NRG1: variants seen among roughly 807,000 people sequenced by gnomAD.
NRG1 encodes neuregulin 1, also known as pro-neuregulin-1, membrane-bound isoform.
A neutral mutation model predicts 63.8 loss-of-function variants in NRG1; 18 were observed. The ratio of observed to expected loss-of-function variants is 0.28; its 90% CI spans 0.19 to 0.42. The LOEUF (loss-of-function observed/expected upper bound fraction) is 0.42. NRG1 is among the 10% of genes least tolerant of loss of function. The pLI is 1.00. For synonymous variants in NRG1, 302 were observed against 301.3 expected, an observed-to-expected ratio of 1.00 and a Z score of -0.02; for missense variants, 762 against 814.7, an observed-to-expected ratio of 0.94 and a Z score of 0.79.
chr8:32,365,712 A>G (rs994671593), intron 1 of NRG1, among the ~76,000 whole-genome samples: 2 of 152,200 alleles, frequency 1.3e-5, no homozygotes, highest in African/African-American at 2.4e-5. Context: ...CACAGACAGC[A>G]CAAAAACCAA....
At chr8:31,928,552 A>G (rs1834599132) in intron 1 of NRG1, among the ~76,000 whole-genome samples, 1 of 152,132 alleles carries the variant, frequency 6.6e-6, no homozygotes, top group East Asian at 1.9e-4. Flanking sequence ...GAATGTGTAT[A>G]GAATCATCCT....
At chr8:32,249,404 G>C (rs1190135980) in intron 1 of NRG1, among the ~76,000 whole-genome samples, 1 of 152,112 alleles carries the variant, frequency 6.6e-6, no homozygotes, top group Admixed American at 6.6e-5. Context: ...AGTGGACACA[G>C]AATCACAAAA....
At chr8:32,056,243 A>G (rs1442850522) in intron 1 of NRG1, among the ~76,000 whole-genome samples, 1 of 152,132 alleles carries the variant, frequency 6.6e-6, no homozygotes, top group African/African-American at 2.4e-5. Flanking sequence ...CTTTAAAACA[A>G]TGGGAAGGAG....
At chr8:32,675,048 C>G (rs1202364323) in intron 5 of NRG1, among the ~76,000 whole-genome samples, 2 of 152,138 alleles carry the variant, frequency 1.3e-5, no homozygotes, top group African/African-American at 4.8e-5. Context: ...TCATGCTTTG[C>G]ACCAGTTCAA....
intron 3 of NRG1, among the ~76,000 whole-genome samples, chr8:32,609,783 T>C (rs900259516): frequency 6.6e-6 from 1 of 151,414 alleles, no homozygotes; most frequent in African/African-American, 2.4e-5. Flanking sequence ...GCAATTCTCC[T>C]GCCTCAGCCT....
intron 1 of NRG1, among the ~76,000 whole-genome samples, chr8:31,907,933 G>A (rs1176173040): frequency 2.0e-5 from 3 of 152,000 alleles, no homozygotes; most frequent in Admixed American, 1.3e-4. Context: ...TTGTACATAC[G>A]AAGTTCTCAA....
chr8:32,651,669 G>T (rs914020330), intron 5 of NRG1, among the ~76,000 whole-genome samples: 2 of 152,056 alleles, frequency 1.3e-5, no homozygotes, highest in Admixed American at 1.3e-4. Flanking sequence ...CTTATTATGG[G>T]ATTGTATGAC....
intron 1 of NRG1, among the ~76,000 whole-genome samples, chr8:31,696,405 C>T (rs1810064943): frequency 6.6e-6 from 1 of 152,138 alleles, no homozygotes; most frequent in African/African-American, 2.4e-5. Flanking sequence ...TATGCTGGTT[C>T]AGAGGATATA....
chr8:32,647,463 G>A (rs1391872971), intron 5 of NRG1: 2 of 985,376 alleles, frequency 2.0e-6, no homozygotes, highest in South Asian at 4.7e-5. Flanking sequence ...GTTTGGAGTA[G>A]CATTTAAAAG....
At chr8:32,724,781 G>C (rs775861349) in intron 5 of NRG1, among the ~76,000 whole-genome samples, 3 of 152,102 alleles carry the variant, frequency 2.0e-5, no homozygotes, top group Non-Finnish European at 4.4e-5. Flanking sequence ...TACTGCTAAA[G>C]GATAAAAGTG....
intron 1 of NRG1, among the ~76,000 whole-genome samples, chr8:32,339,480 C>T (rs1475596810): frequency 2.0e-5 from 3 of 152,178 alleles, no homozygotes; most frequent in African/African-American, 7.2e-5. Flanking sequence ...AACAAGTCCT[C>T]ATGTCATAGG....
At position 32,250,302 on chromosome 8, in the gene NRG1, CTCTG is replaced by C. The variant is rs142671856; in HGVS notation, c.38-345522_38-345519del. Among the ~76,000 whole-genome samples, 1,393 of 152,210 alleles carry C rather than the reference CTCTG, an allele frequency of 9.2e-3. 32 individuals are homozygous for C. Among genetic ancestry groups the C allele is most frequent in the African/African-American group, 0.031 (1,298 of 41,534 alleles). On this transcript the variant is annotated intron_variant, in intron 1 of 10. Coordinates refer to the NRG1 transcript ENST00000519301. ...ATCATCCCAAGGAAGGCTTTATTCT[CTCTG>C]TCTAAGCAAGCAATGAAGGGAGATC... is the stretch of plus-strand genomic sequence containing the variant.
chr8:31,724,921 CTG>C (rs922817183), intron 1 of NRG1, among the ~76,000 whole-genome samples: 1 of 152,166 alleles, frequency 6.6e-6, no homozygotes, highest in Admixed American at 6.5e-5. Flanking sequence ...CCATAGGTCT[CTG>C]TTGCATCTAC....
intron 1 of NRG1, among the ~76,000 whole-genome samples, chr8:32,217,875 C>G (rs146166960): frequency 0.01 from 1,581 of 152,282 alleles, 15 homozygotes; most frequent in Non-Finnish European, 0.015. Flanking sequence ...AGGCTCTGAA[C>G]TAAGTCTAAA....
chr8:32,701,067 C>G (rs181093369), intron 5 of NRG1, among the ~76,000 whole-genome samples: 2 of 152,142 alleles, frequency 1.3e-5, no homozygotes, highest in Admixed American at 1.3e-4. Flanking sequence ...AGTAGTACTT[C>G]CCCTAGAAGC....
intron 1 of NRG1, among the ~76,000 whole-genome samples, chr8:32,420,501 G>T (rs1339590538): frequency 2.7e-5 from 4 of 150,776 alleles, no homozygotes; most frequent in African/African-American, 7.3e-5. Context: ...TCTGTCACTT[G>T]ATGATGGGTG....
chr8:32,019,500 A>G (rs1042285223), intron 1 of NRG1, among the ~76,000 whole-genome samples: 1 of 152,314 alleles, frequency 6.6e-6, no homozygotes, highest in African/African-American at 2.4e-5. Context: ...TATTCACTTT[A>G]TTAATAATGT....
At chr8:32,245,701 C>G (rs553411180) in intron 1 of NRG1, among the ~76,000 whole-genome samples, 2 of 152,224 alleles carry the variant, frequency 1.3e-5, no homozygotes, top group South Asian at 4.1e-4. Flanking sequence ...CTAGTACCAT[C>G]AGATTTGGCC....
intron 1 of NRG1, among the ~76,000 whole-genome samples, chr8:32,246,089 A>G (rs1011460951): frequency 3.5e-4 from 54 of 152,194 alleles, no homozygotes; most frequent in African/African-American, 1.3e-3. Flanking sequence ...GCAAATAACT[A>G]TAATTTTGAA....
Sources: allele counts gnomAD v4.1 joint callset (sites outside exome capture counted in the v4.1 genomes callset), GRCh38; gene constraint gnomAD v4.1.1; transcripts MANE v1.5; gene names NCBI Gene and HGNC (gene_info 2026-07-23, HGNC 2026-07-21).